TNKS: variants seen among roughly 807,000 people sequenced by gnomAD.
TNKS encodes poly [ADP-ribose] polymerase tankyrase-1.
TNKS carries 72 observed loss-of-function variants against 135.8 expected under a neutral mutation model. That is an observed-to-expected ratio of 0.53 (90% confidence interval 0.44 to 0.64). The LOEUF is 0.64. Among genes scored for constraint, TNKS ranks in the 30% least tolerant of loss-of-function variants. The pLI is 0.00. For missense variants in TNKS, 1,769 were observed against 1,674.0 expected, an observed-to-expected ratio of 1.06 and a Z score of -0.99; for synonymous variants, 849 against 649.3, an observed-to-expected ratio of 1.31 and a Z score of -4.68.
intron 5 of TNKS, among the ~76,000 whole-genome samples, chr8:9,703,231 G>C (rs1218997821): frequency 6.6e-6 from 1 of 152,128 alleles, no homozygotes; most frequent in Non-Finnish European, 1.5e-5. Context: ...TGGAGGAAGG[G>C]ATGATTCCCA....
intron 1 of TNKS, among the ~76,000 whole-genome samples, chr8:9,563,406 G>A (rs1001305424): frequency 6.6e-6 from 1 of 151,922 alleles, no homozygotes; most frequent in African/African-American, 2.4e-5. Flanking sequence ...GTAGCCATAT[G>A]GTCCCTCTCA....
chr8:9,637,776 A>C (rs1585261884), intron 3 of TNKS, among the ~76,000 whole-genome samples: 1 of 152,224 alleles, frequency 6.6e-6, no homozygotes, highest in African/African-American at 2.4e-5. Context: ...AATATTAATG[A>C]TGCTTTATAG....
chr8:9,654,968 G>A (rs7831183), intron 3 of TNKS, among the ~76,000 whole-genome samples: 5,263 of 152,286 alleles, frequency 0.035, 136 homozygotes, highest in South Asian at 0.085. Flanking sequence ...CCTGGGAAGC[G>A]CAAGGGGTCA....
chr8:9,579,019 TG>T (rs2129053101), intron 1 of TNKS, among the ~76,000 whole-genome samples: 1 of 152,348 alleles, frequency 6.6e-6, no homozygotes, highest in South Asian at 2.1e-4. Context: ...ATAATGTTGT[TG>T]TTCCTTGACT....
Position 9,781,766 on chromosome 8 carries a change from T to C in TNKS, c.*5030T>C, listed in dbSNP as rs1473516957. On this transcript the variant is annotated 3_prime_UTR_variant, in exon 27 of 27. Coordinates refer to ENST00000310430, the MANE Select transcript of TNKS (RefSeq NM_003747.3). ...GTGTTTTCTCATTGTGATGTTGGTC[T>C]GTGTGAGCAACCAGTGTAGTGACTC... 2.0e-5 allele frequency: 3 copies of C among 152,674 alleles called. No individual in the cohort carries two copies. The highest frequency in any genetic ancestry group is 4.4e-5 in the Non-Finnish European group (3 of 68,040). 9.5% of individuals were successfully genotyped at this position (152,674 alleles called of 1,614,324 possible).
chr8:9,614,111 A>C (rs1396828375), intron 2 of TNKS, among the ~76,000 whole-genome samples: 2 of 152,124 alleles, frequency 1.3e-5, no homozygotes, highest in African/African-American at 2.4e-5. Context: ...TATGATAAAG[A>C]CCTTTTATAA....
At chr8:9,660,190 C>T (rs1801627903) in intron 3 of TNKS, among the ~76,000 whole-genome samples, 1 of 152,204 alleles carries the variant, frequency 6.6e-6, no homozygotes, top group Non-Finnish European at 1.5e-5. Context: ...CCTTCTGAAA[C>T]TATTCCAATC....
At chr8:9,772,814 T>C (rs1807998299) in intron 26 of TNKS, among the ~76,000 whole-genome samples, 1 of 72,734 alleles carries the variant, frequency 1.4e-5, no homozygotes, top group African/African-American at 6.6e-5. Flanking sequence ...TGTGTTTGTG[T>C]GTGTGTGTGT....
At chr8:9,731,460 CAAAAAAAA>C (rs36213271) in intron 14 of TNKS, among the ~76,000 whole-genome samples, 6 of 67,510 alleles carry the variant, frequency 8.9e-5, no homozygotes, top group Admixed American at 2.1e-4. Flanking sequence ...AATTCCATCT[CAAAAAAAA>C]AAAAAAAAAA....
intron 20 of TNKS, among the ~76,000 whole-genome samples, chr8:9,760,056 C>G (rs1476505034): frequency 6.6e-6 from 1 of 151,622 alleles, no homozygotes; most frequent in South Asian, 2.1e-4. Context: ...ATATGAGACC[C>G]TTGGTTTTAA....
At chr8:9,683,809 A>T (rs1005476968) in intron 5 of TNKS, among the ~76,000 whole-genome samples, 2 of 151,944 alleles carry the variant, frequency 1.3e-5, no homozygotes, top group African/African-American at 4.8e-5. Context: ...TTGTTTCCCA[A>T]AGACAATTGT....
chr8:9,663,111 C>T (rs1461869308), intron 3 of TNKS, among the ~76,000 whole-genome samples: 1 of 152,168 alleles, frequency 6.6e-6, no homozygotes, highest in Admixed American at 6.5e-5. Flanking sequence ...TGTGAGCAGG[C>T]TTTGGAAGCT....
rs538592861 is a variant in TNKS, at chr8:9,658,935, G to T, written c.995-21016G>T. Among the ~76,000 whole-genome samples the T allele has an allele frequency of 3.9e-5, 6 of 152,110 alleles. No individual in the cohort carries two copies. The South Asian group carries it at 1.2e-3, about 32-fold the overall frequency. On this transcript the variant is annotated intron_variant, in intron 3 of 26. Coordinates refer to ENST00000310430, the MANE Select transcript of TNKS (RefSeq NM_003747.3). Reference sequence around the variant, plus strand: ...ATAAAAAAAGGCAGGGGTTGCAATCGTAGTCTTGGATAAAACAGACTTTAA... The same window carrying T: ...ATAAAAAAAGGCAGGGGTTGCAATCTTAGTCTTGGATAAAACAGACTTTAA...
intron 2 of TNKS, among the ~76,000 whole-genome samples, chr8:9,604,157 A>G (rs772318049): frequency 2.0e-5 from 3 of 152,142 alleles, no homozygotes; most frequent in Non-Finnish European, 4.4e-5. Context: ...CTATATATGC[A>G]TTATAGGCAC....
chr8:9,599,956 C>G (rs1483111102), intron 2 of TNKS, among the ~76,000 whole-genome samples: 6 of 152,104 alleles, frequency 3.9e-5, no homozygotes, highest in Admixed American at 1.3e-4. Context: ...GAAGACCTCT[C>G]CCATGTAAAA....
In TNKS at chr8:9,782,267, C is replaced by A. The variant is rs1185714964; in HGVS notation, c.*5531C>A. 1 of 152,662 alleles carries A rather than the reference C, an allele frequency of 6.6e-6. No homozygotes were observed. Among genetic ancestry groups the A allele is most frequent in the Admixed American group, 6.5e-5 (1 of 15,278 alleles). 9.5% of individuals were successfully genotyped at this position (152,662 alleles called of 1,614,324 possible). On this transcript the variant is annotated 3_prime_UTR_variant, in exon 27 of 27. Coordinates refer to ENST00000310430, the MANE Select transcript of TNKS (RefSeq NM_003747.3). ...AAGACATCTTTGTGATTATATTTAA[C>A]CTGCAATTGTGCTTTGGCTTAATGT...
rs1800052606 is a variant in TNKS, at chr8:9,626,346, A to G, written c.994+10669A>G. ...TTAGTTGAGTCATTTTTTCTCATCC[A>G]TGCTGACAATTTGTTTTTGAATTGG... On this transcript the variant is annotated intron_variant, in intron 3 of 26. Transcript: ENST00000310430. Among the ~76,000 whole-genome samples the G allele has an allele frequency of 1.3e-5, 2 of 152,182 alleles. 1 individual carries two copies. The highest frequency in any genetic ancestry group is 2.9e-5 in the Non-Finnish European group (2 of 68,028).
intron 3 of TNKS, among the ~76,000 whole-genome samples, chr8:9,650,576 C>T (rs917731672): frequency 5.3e-5 from 8 of 152,116 alleles, no homozygotes; most frequent in African/African-American, 1.9e-4. Context: ...TAATGTTGAG[C>T]ATTTTTTCAT....
intron 1 of TNKS, among the ~76,000 whole-genome samples, chr8:9,572,544 T>A (rs564251863): frequency 6.6e-6 from 1 of 152,364 alleles, no homozygotes; most frequent in Admixed American, 6.5e-5. Context: ...CTTTCCCTAA[T>A]TCCTAGTTTC....
Sources: allele counts gnomAD v4.1 joint callset (sites outside exome capture counted in the v4.1 genomes callset), GRCh38; gene constraint gnomAD v4.1.1; transcripts MANE v1.5; gene names NCBI Gene and HGNC (gene_info 2026-07-23, HGNC 2026-07-21).